The following SPAG9 variants were observed in gnomAD, a reference collection of about 807,000 sequenced individuals.
The protein encoded by SPAG9 is sperm associated antigen 9, also known as C-Jun-amino-terminal kinase-interacting protein 4.
SPAG9 carries 35 observed loss-of-function variants against 166.5 expected under a neutral mutation model. That is an observed-to-expected ratio of 0.21 (90% CI 0.16 to 0.28). The LOEUF is 0.28. SPAG9 is among the 10% of genes least tolerant of loss of function. SPAG9 has a pLI of 1.00. For missense variants in SPAG9, 1,235 were observed against 1,603.3 expected, an observed-to-expected ratio of 0.77 and a Z score of 3.92; for synonymous variants, 534 against 565.5, an observed-to-expected ratio of 0.94 and a Z score of 0.79.
chr17:51,118,435 G>T (rs2144811911), intron 1 of SPAG9, among the ~76,000 whole-genome samples: 1 of 152,292 alleles, frequency 6.6e-6, no homozygotes, highest in Admixed American at 6.5e-5. Flanking sequence ...GGTTTTCTTG[G>T]CACGTGTGAC....
Position 50,977,109 on chromosome 17 carries a change from T to C in SPAG9, c.3522A>G (p.Glu1174=). The change falls in exon 27 of 30, where the codon GAA becomes GAG. Residue 1174 remains glutamate, a splice_region_variant and synonymous_variant. Coordinates refer to ENST00000262013, the MANE Select transcript of SPAG9 (RefSeq NM_001130528.3). ...NGVIISIPLT[E]TNKTSGVPGN... ...GCAGTTATCTAAAAATATACTTACT[T>C]TCTGTCAATGGGATGGAGATAATGA... 1.9e-6 allele frequency: 3 copies of C among 1,574,550 alleles called. No individual in the cohort carries two copies. Among genetic ancestry groups the C allele is most frequent in the Non-Finnish European group, 2.6e-6 (3 of 1,144,644 alleles).
chr17:51,007,138 T>TGC (rs1481715370), intron 10 of SPAG9, 131 bp downstream of exon 10: 8 of 521,418 alleles, frequency 1.5e-5, no homozygotes, highest in Non-Finnish European at 2.4e-5. Context: ...TGTGTGTGTG[T>TGC]GCACACTCAG....
Position 51,097,729 on chromosome 17 carries a change from A to G in SPAG9, c.304-18025T>C, listed in dbSNP as rs534418153. On this transcript the variant is annotated intron_variant, in intron 1 of 29. Transcript: ENST00000262013. ...GTAGACAGTGTCAGTATTAAGTTAG[A>G]TGACACCTAGCTGGTGCCTGATGCA... Among the ~76,000 whole-genome samples, 4 of 152,280 alleles carry G rather than the reference A, an allele frequency of 2.6e-5. No individual in the cohort carries two copies. The South Asian group carries it at 8.3e-4, about 32-fold the overall frequency.
intron 1 of SPAG9, among the ~76,000 whole-genome samples, chr17:51,111,727 G>A (rs561247308): frequency 8.5e-5 from 13 of 152,052 alleles, no homozygotes; most frequent in South Asian, 2.1e-4. Context: ...CTCTGCCTCC[G>A]GAGTAGCTTG....
chr17:50,966,540 G>C (rs1458863124), intron 29 of SPAG9, among the ~76,000 whole-genome samples, 153 bp from the exon 30 acceptor site: 1 of 152,146 alleles, frequency 6.6e-6, no homozygotes, highest in Non-Finnish European at 1.5e-5. Flanking sequence ...AATACTAAGA[G>C]TCAGAATCCT....
intron 28 of SPAG9, 77 bp downstream of exon 28, chr17:50,974,694 C>T: frequency 7.6e-7 from 1 of 1,308,150 alleles, no homozygotes; most frequent in Non-Finnish European, 1.0e-6. Context: ...TAGCCTTAGA[C>T]TATTAGGTAG....
chr17:51,104,889 C>A (rs1238881798), intron 1 of SPAG9, among the ~76,000 whole-genome samples: 1 of 143,784 alleles, frequency 7.0e-6, no homozygotes, highest in Non-Finnish European at 1.5e-5. Flanking sequence ...GCCGAGATCG[C>A]GCCACTGCAC....
rs780901984 is a variant in SPAG9 at position 50,962,283 on chromosome 17, C to T, written c.*3989G>A. 6.6e-6 allele frequency: 1 copy of T among 152,146 alleles called. No homozygotes were observed. The highest frequency in any genetic ancestry group is 2.4e-5 in the African/African-American group (1 of 41,426). 9.4% of individuals were successfully genotyped at this position (152,146 alleles called of 1,614,324 possible). A position where few individuals can be genotyped will look rare whatever the true frequency, so the allele number is the denominator to read the frequency against. On this transcript the variant is annotated 3_prime_UTR_variant, in exon 30 of 30. Transcript: ENST00000262013. ...TGAAATAACTACATTGCTAAATGAG[C>T]TCTTTGCTCATAGAAATGAAGCTCA...
intron 1 of SPAG9, among the ~76,000 whole-genome samples, chr17:51,090,738 T>C (rs973831102): frequency 6.6e-6 from 1 of 152,170 alleles, no homozygotes; most frequent in African/African-American, 2.4e-5. Context: ...AGGTTAAGGC[T>C]GATAAGAGAT....
At position 50,979,888 on chromosome 17, in the gene SPAG9, C is replaced by T. The variant is rs1322680732; in HGVS notation, c.3267G>A (p.Glu1089=). The T allele has an allele frequency of 6.2e-7, 1 of 1,614,136 alleles. No homozygotes were observed. The highest frequency in any genetic ancestry group is 1.7e-5 in the Admixed American group (1 of 60,024). Residue 1089 remains glutamate (E), a synonymous_variant, in exon 26 of 30, where the codon GAG becomes GAA. Transcript: ENST00000262013. ...EKSFDAHPRK[E]SQVRQLAWVG... ...CCCACGCAAGCTGTCGCACTTGGCT[C>T]TCCTTCCTGGGATGTGCATCAAAAG... is the stretch of plus-strand genomic sequence containing the variant.
At chr17:50,988,670 CA>C (rs1975268773) in intron 21 of SPAG9, among the ~76,000 whole-genome samples, 1 of 152,154 alleles carries the variant, frequency 6.6e-6, no homozygotes, top group Admixed American at 6.5e-5. Flanking sequence ...CCTCCCACCT[CA>C]GCCTCCTGAG....
chr17:51,062,050 A>G (rs1274679851), intron 2 of SPAG9, among the ~76,000 whole-genome samples: 1 of 152,236 alleles, frequency 6.6e-6, no homozygotes, highest in Non-Finnish European at 1.5e-5. Context: ...TATCACAGAA[A>G]AAGGGCATTT....
rs768761788 is a variant in SPAG9 at position 50,982,634 on chromosome 17, G to T, written c.3127C>A (p.Leu1043Ile). 1.2e-6 allele frequency: 2 copies of T among 1,612,600 alleles called. No homozygotes were observed. Among genetic ancestry groups the T allele is most frequent in the Non-Finnish European group, 8.5e-7 (1 of 1,179,676 alleles). ...WDLSNYHLLD[L>I]GRPHHSIRCM... Reference sequence around the variant, plus strand: ...CGGATGGAATGATGAGGCCGTCCAAGGTCTAAGAGGTGATAGTTTGACAAA... The same window carrying T: ...CGGATGGAATGATGAGGCCGTCCAATGTCTAAGAGGTGATAGTTTGACAAA... The change falls in exon 25 of 30, where the codon CTT becomes ATT. Residue 1043 changes from leucine to isoleucine, a missense_variant. Physicochemically the swap from Leu to Ile is conservative, Grantham distance 5. Coordinates refer to ENST00000262013, the MANE Select transcript of SPAG9 (RefSeq NM_001130528.3).
intron 6 of SPAG9, among the ~76,000 whole-genome samples, chr17:51,025,370 T>G (rs865975060): frequency 6.7e-4 from 95 of 142,480 alleles, no homozygotes; most frequent in African/African-American, 2.3e-3. Flanking sequence ...AATTGGTAAC[T>G]GGCACCCAAT....
intron 2 of SPAG9, among the ~76,000 whole-genome samples, chr17:51,070,433 TA>T (rs1223315101): frequency 1.8e-4 from 27 of 152,206 alleles, no homozygotes; most frequent in African/African-American, 6.5e-4. Flanking sequence ...CAAAAAGCAC[TA>T]AAATTCTTTG....
rs757028356 is a variant in SPAG9 at position 50,962,217 on chromosome 17, T to C, written c.*4055A>G. On this transcript the variant is annotated 3_prime_UTR_variant, in exon 30 of 30. Coordinates refer to ENST00000262013, the MANE Select transcript of SPAG9 (RefSeq NM_001130528.3). ...TTTATATATATCTCATGTACAAAGT[T>C]ACATTCTGAACCCCAGGGATTCCAT... 6.6e-6 allele frequency: 1 copy of C among 152,218 alleles called. No individual in the cohort carries two copies. Among genetic ancestry groups the C allele is most frequent in the Non-Finnish European group, 1.5e-5 (1 of 68,032 alleles). 9.4% of individuals were successfully genotyped at this position (152,218 alleles called of 1,614,324 possible). A position where few individuals can be genotyped will look rare whatever the true frequency, so the allele number is the denominator to read the frequency against.
chr17:51,118,125 C>A (rs543785051), intron 1 of SPAG9, among the ~76,000 whole-genome samples: 100 of 149,480 alleles, frequency 6.7e-4, no homozygotes, highest in African/African-American at 2.4e-3. Flanking sequence ...CAGAGAGAGA[C>A]TCTGTCTCAA....
chr17:51,073,825 G>A (rs1038504460), intron 2 of SPAG9, among the ~76,000 whole-genome samples: 3 of 152,192 alleles, frequency 2.0e-5, no homozygotes, highest in Admixed American at 6.5e-5. Context: ...GACTCAGGCC[G>A]GGCACGGTGG....
rs1316825936 is a variant in SPAG9 at position 50,965,571 on chromosome 17, A to G, written c.*701T>C. On this transcript the variant is annotated 3_prime_UTR_variant, in exon 30 of 30. Coordinates refer to ENST00000262013, the MANE Select transcript of SPAG9 (RefSeq NM_001130528.3). Reference sequence around the variant, plus strand: ...ATGAAAATGAGACTGGTCTCAAAAAAAACCCATCAGAATATTCAGAGAAGT... The same window carrying G: ...ATGAAAATGAGACTGGTCTCAAAAAGAACCCATCAGAATATTCAGAGAAGT... 1 of 152,220 alleles carries G rather than the reference A, an allele frequency of 6.6e-6. No individual in the cohort carries two copies. Among genetic ancestry groups the G allele is most frequent in the African/African-American group, 2.4e-5 (1 of 41,458 alleles). The allele number at this position is 152,220 out of a possible 1,614,324, so 9.4% of individuals were successfully genotyped here. A position where few individuals can be genotyped will look rare whatever the true frequency, so the allele number is the denominator to read the frequency against.
Sources: allele counts gnomAD v4.1 joint callset (sites outside exome capture counted in the v4.1 genomes callset), GRCh38; gene constraint gnomAD v4.1.1; transcripts MANE v1.5; gene names NCBI Gene and HGNC (gene_info 2026-07-23, HGNC 2026-07-21).